Variants in GRIK1 observed in about 807,000 individuals in gnomAD.
GRIK1 encodes glutamate receptor ionotropic, kainate 1.
In GRIK1, 69 loss-of-function variants were observed where a neutral mutation model predicts 105.7. The ratio of observed to expected loss-of-function variants is 0.65; its 90% confidence interval spans 0.54 to 0.80. The LOEUF is 0.80. Among genes scored for constraint, GRIK1 ranks in the 30% least tolerant of loss-of-function variants. The pLI is 0.00. For missense variants in GRIK1, 1,109 were observed against 1,167.3 expected (o/e 0.95, Z 0.73); for synonymous variants, 438 against 431.3 (o/e 1.02, Z -0.19).
At chr21:29,706,917 T>G (rs1033400518) in intron 1 of GRIK1, among the ~76,000 whole-genome samples, 2 of 152,048 alleles carry the variant, frequency 1.3e-5, no homozygotes, top group African/African-American at 4.8e-5. Flanking sequence ...CAGGCTGGAG[T>G]GCAGTGGTGA....
chr21:29,639,878 C>T (rs1421441773), intron 7 of GRIK1, among the ~76,000 whole-genome samples: 1 of 152,124 alleles, frequency 6.6e-6, no homozygotes, highest in Admixed American at 6.5e-5. Context: ...TAGTAACATA[C>T]TCTATCATGT....
chr21:29,690,054 T>C (rs2063558271), intron 2 of GRIK1, 69 bp from the exon 3 acceptor site: 1 of 1,261,586 alleles, frequency 7.9e-7, no homozygotes, highest in South Asian at 1.3e-5. Context: ...AAGAGAGTTC[T>C]ATGAATTTAA....
At chr21:29,586,647 T>C (rs1036916430) in intron 12 of GRIK1, among the ~76,000 whole-genome samples, 3 of 152,182 alleles carry the variant, frequency 2.0e-5, no homozygotes, top group Admixed American at 6.5e-5. Flanking sequence ...AAATTTAGCA[T>C]CAAAAGTATT....
intron 15 of GRIK1, among the ~76,000 whole-genome samples, chr21:29,560,382 TTC>T (rs1433464070): frequency 1.3e-5 from 1 of 75,452 alleles, no homozygotes; most frequent in African/African-American, 6.8e-5. Context: ...CCTTCCTTCC[TTC>T]CTTCCTTCCT....
At position 29,537,869 on chromosome 21, in the gene GRIK1, T is replaced by A; in HGVS notation, c.2623A>T (p.Arg875Ter). The change falls in exon 17 of 18, where the codon AGA becomes TGA. Residue 875 changes from arginine (R) to a stop codon, truncating the protein, a stop_gained. Coordinates refer to ENST00000327783, the MANE Select transcript of GRIK1 (RefSeq NM_001330994.2). LOFTEE classifies it high-confidence loss of function. ...NDIEQKGKSS[R>*]IRFYFRNKVR... The stretch of plus-strand genomic sequence containing the variant: ...TTGTTCCTAAAATAAAATCTAATTC[T>A]TGATGACTTTCCTTTCTGATAAAAA... 7.3e-7 allele frequency: 1 copy of A among 1,366,882 alleles called. No homozygotes were observed. Among genetic ancestry groups the A allele is most frequent in the Non-Finnish European group, 1.0e-6 (1 of 963,526 alleles). 84.7% of individuals were successfully genotyped at this position (1,366,882 alleles called of 1,614,324 possible).
At chr21:29,887,953 A>G (rs2069698650) in intron 1 of GRIK1, among the ~76,000 whole-genome samples, 1 of 151,858 alleles carries the variant, frequency 6.6e-6, no homozygotes, top group South Asian at 2.1e-4. Context: ...TGTCTGCAGG[A>G]AAAAGGGTAG....
At position 29,784,053 on chromosome 21, in the gene GRIK1, C is replaced by T. The variant is rs184396148; in HGVS notation, c.119-89990G>A. Among the ~76,000 whole-genome samples the T allele has an allele frequency of 2.0e-3, 303 of 152,272 alleles. 2 individuals are homozygous for T. Among genetic ancestry groups the T allele is most frequent in the Non-Finnish European group, 3.7e-3 (254 of 68,026 alleles). ...GTTCACGCCATTCTCCTGCCTCAGC[C>T]TCCTGAGTAGCTGGGACTACAGGAC... On this transcript the variant is annotated intron_variant, in intron 1 of 17. Transcript: ENST00000327783.
chr21:29,764,768 T>A (rs1443322883), intron 1 of GRIK1, among the ~76,000 whole-genome samples: 1 of 152,136 alleles, frequency 6.6e-6, no homozygotes, highest in Admixed American at 6.5e-5. Flanking sequence ...CACAAAAGCA[T>A]CAGAATTAAA....
chr21:29,939,484 A>AGTGTGCC lies in GRIK1; in HGVS notation c.10_16dup (p.Leu6ArgfsTer41). 6.3e-7 allele frequency: 1 copy of AGTGTGCC among 1,589,864 alleles called. No individual in the cohort carries two copies. The highest frequency in any genetic ancestry group is 8.6e-7 in the Non-Finnish European group (1 of 1,167,714). On this transcript the variant is annotated frameshift_variant, in exon 1 of 18. Transcript: ENST00000327783. LOFTEE classifies it high-confidence loss of function. Reference sequence around the variant, plus strand: ...GGTCCAGAGCCCGGGCTGGGCGAGGAGTGTGCCGTGCTCCATCTTCCTAGC... The same window carrying AGTGTGCC: ...GGTCCAGAGCCCGGGCTGGGCGAGGAGTGTGCCGTGTGCCGTGCTCCATCTTCCTAGC...
intron 1 of GRIK1, among the ~76,000 whole-genome samples, chr21:29,780,575 C>T (rs948283090): frequency 2.5e-4 from 38 of 152,072 alleles, no homozygotes; most frequent in Non-Finnish European, 1.2e-4. Context: ...TCCCTGCCTG[C>T]GACAATAGAA....
chr21:29,660,219 A>T (rs1322507936), intron 4 of GRIK1, among the ~76,000 whole-genome samples: 1 of 152,158 alleles, frequency 6.6e-6, no homozygotes, highest in Non-Finnish European at 1.5e-5. Context: ...CTTGGCAATG[A>T]TGATCTCTTA....
chr21:29,773,652 G>A (rs183944990), intron 1 of GRIK1, among the ~76,000 whole-genome samples: 14 of 151,996 alleles, frequency 9.2e-5, no homozygotes, highest in East Asian at 1.9e-4. Context: ...ACAACCTCTC[G>A]TACACCATAG....
intron 1 of GRIK1, among the ~76,000 whole-genome samples, chr21:29,708,205 G>C (rs115943325): frequency 6.6e-6 from 1 of 152,116 alleles, no homozygotes; most frequent in African/African-American, 2.4e-5. Context: ...ATTGCTTCAA[G>C]TTGCATCCGT....
chr21:29,893,915 C>A (rs896976972), intron 1 of GRIK1, among the ~76,000 whole-genome samples: 1 of 152,110 alleles, frequency 6.6e-6, no homozygotes, highest in African/African-American at 2.4e-5. Flanking sequence ...GTCAGCAAAC[C>A]CTTCAGGGAG....
At chr21:29,780,619 C>T (rs111251454) in intron 1 of GRIK1, among the ~76,000 whole-genome samples, 4 of 152,070 alleles carry the variant, frequency 2.6e-5, no homozygotes, top group East Asian at 1.9e-4. Context: ...AACAGGAGAA[C>T]GAGCAGCTTT....
chr21:29,848,779 A>ATTTTTTTTTT (rs1555898508), intron 1 of GRIK1, among the ~76,000 whole-genome samples: 14 of 77,850 alleles, frequency 1.8e-4, no homozygotes, highest in East Asian at 1.2e-3. Flanking sequence ...ATATATATAT[A>ATTTTTTTTTT]TTTTTTTTTT....
At chr21:29,856,612 T>C (rs1041680802) in intron 1 of GRIK1, among the ~76,000 whole-genome samples, 1 of 152,132 alleles carries the variant, frequency 6.6e-6, no homozygotes, top group Non-Finnish European at 1.5e-5. Flanking sequence ...TAAGCACCGA[T>C]GATATAGAAG....
chr21:29,675,883 G>T (rs894953715), intron 3 of GRIK1, among the ~76,000 whole-genome samples: 4 of 152,068 alleles, frequency 2.6e-5, no homozygotes, highest in African/African-American at 7.2e-5. Context: ...CAAATCAGTG[G>T]CCCCTCCCAA....
chr21:29,548,886 A>G (rs2090086489), intron 16 of GRIK1, among the ~76,000 whole-genome samples: 1 of 152,230 alleles, frequency 6.6e-6, no homozygotes, highest in Admixed American at 6.5e-5. Context: ...AAAATAATTC[A>G]ATTTATAATT....
Sources: gnomAD v4.1 joint callset for allele counts (sites outside exome capture counted in the v4.1 genomes callset) on GRCh38, gnomAD v4.1.1 for gene constraint, MANE v1.5 for transcripts, NCBI Gene and HGNC (gene_info 2026-07-23, HGNC 2026-07-21) for gene names.